Variants in ARL3 observed in about 807,000 individuals in gnomAD.
ARL3 encodes the protein ADP-ribosylation factor-like protein 3.
A neutral mutation model predicts 26.0 loss-of-function variants in ARL3; 9 were observed. That is an observed-to-expected ratio of 0.35 (90% CI 0.21 to 0.60). The LOEUF (loss-of-function observed/expected upper bound fraction) is 0.60. Ranked by LOEUF, ARL3 falls within the 20% of genes least tolerant of loss-of-function variation. The pLI is 0.78. For missense variants in ARL3, 158 were observed against 215.7 expected (o/e 0.73, Z 1.67); for synonymous variants, 71 against 78.4 (o/e 0.91, Z 0.50).
At chr10:102,685,688 C>A in intron 5 of ARL3, 128 bp downstream of exon 5, 1 of 1,074,178 alleles carries the variant, frequency 9.3e-7, no homozygotes, top group African/African-American at 1.6e-5. Flanking sequence ...AGAAAAGAAC[C>A]AAATTCCTCC....
intron 2 of ARL3, among the ~76,000 whole-genome samples, chr10:102,700,016 C>T (rs1455026610): frequency 1.3e-5 from 2 of 152,100 alleles, no homozygotes; most frequent in Non-Finnish European, 2.9e-5. Context: ...ACTGAGGATG[C>T]TATGGGGGAG....
At chr10:102,696,563 C>T (rs912620198) in intron 3 of ARL3, among the ~76,000 whole-genome samples, 1 of 152,204 alleles carries the variant, frequency 6.6e-6, no homozygotes, top group African/African-American at 2.4e-5. Context: ...CGCACCCGGC[C>T]AACAGTTTTT....
rs1348993634 is a variant in ARL3 at position 102,676,555 on chromosome 10, AG to A, written c.*338del. ...TTCTTTTTCTTTTTTTTTTTTTGAGAGGAAAAAAAAGCCCACTGGAATTGTC... is the reference window on the plus strand; with the variant it reads ...TTCTTTTTCTTTTTTTTTTTTTGAGAGAAAAAAAAGCCCACTGGAATTGTC... On this transcript the variant is annotated 3_prime_UTR_variant, in exon 6 of 6. Coordinates refer to ENST00000260746, the MANE Select transcript of ARL3 (RefSeq NM_004311.4). The A allele has an allele frequency of 1.2e-5, 2 of 161,230 alleles. No homozygotes were observed. The highest frequency in any genetic ancestry group is 4.9e-5 in the African/African-American group (2 of 40,686). 10.0% of individuals were successfully genotyped at this position (161,230 alleles called of 1,614,324 possible). A position where few individuals can be genotyped will look rare whatever the true frequency, so the allele number is the denominator to read the frequency against.
At chr10:102,696,548 G>C (rs1002674047) in intron 3 of ARL3, among the ~76,000 whole-genome samples, 2 of 152,210 alleles carry the variant, frequency 1.3e-5, no homozygotes, top group African/African-American at 4.8e-5. Context: ...ACAGGCGTGA[G>C]CCACCGCACC....
At chr10:102,709,759 G>A (rs901200835) in intron 1 of ARL3, among the ~76,000 whole-genome samples, 1 of 151,954 alleles carries the variant, frequency 6.6e-6, no homozygotes, top group Non-Finnish European at 1.5e-5. Context: ...AAGGCTGAGT[G>A]CAGTGGCTCA....
Position 102,676,216 on chromosome 10 carries a change from G to T in ARL3, c.*678C>A. On this transcript the variant is annotated 3_prime_UTR_variant, in exon 6 of 6. Coordinates refer to ENST00000260746, the MANE Select transcript of ARL3 (RefSeq NM_004311.4). The stretch of plus-strand genomic sequence containing the variant: ...GGCTGGCTGGGGCAGAGGCAGGGGT[G>T]GGTGGGATGGGGTATGTTTCTGTAG... The T allele has an allele frequency of 6.6e-6, 1 of 152,482 alleles. No individual in the cohort carries two copies. Among genetic ancestry groups the T allele is most frequent in the South Asian group, 1.8e-4 (1 of 5,502 alleles). 9.4% of individuals were successfully genotyped at this position (152,482 alleles called of 1,614,324 possible). A position where few individuals can be genotyped will look rare whatever the true frequency, so the allele number is the denominator to read the frequency against.
Position 102,705,360 on chromosome 10 carries a change from T to C in ARL3, c.133A>G (p.Ile45Val). ...KQLASEDISH[I>V]TPTQGFNIKS... ...GCAGTGCTCACCTGTGTAGGTGTGA[T>C]GTGGCTGATGTCTTCAGATGCAAGC... Residue 45 changes from isoleucine (I) to valine (V), a missense_variant, in exon 2 of 6, where the codon ATC becomes GTC. Ile to Val is a conservative substitution (Grantham distance 29, BLOSUM62 3). Transcript: ENST00000260746. 6.2e-7 allele frequency: 1 copy of C among 1,607,326 alleles called. No homozygotes were observed. The highest frequency in any genetic ancestry group is 1.3e-5 in the African/African-American group (1 of 74,964).
chr10:102,685,590 C>G (rs1268189597), intron 5 of ARL3, among the ~76,000 whole-genome samples: 3 of 152,222 alleles, frequency 2.0e-5, no homozygotes, highest in Non-Finnish European at 4.4e-5. Flanking sequence ...TCTCACATCC[C>G]TCCCAAAGGG....
intron 3 of ARL3, among the ~76,000 whole-genome samples, chr10:102,698,312 A>T (rs2064260495): frequency 6.6e-6 from 1 of 151,718 alleles, no homozygotes; most frequent in African/African-American, 2.4e-5. Flanking sequence ...GGCTCAAGCG[A>T]TCCTCCCACC....
intron 3 of ARL3, among the ~76,000 whole-genome samples, chr10:102,696,035 C>T (rs537721079): frequency 6.6e-6 from 1 of 152,008 alleles, no homozygotes; most frequent in Non-Finnish European, 1.5e-5. Flanking sequence ...GCAATCTTGG[C>T]TCACTGCAAG....
intron 5 of ARL3, among the ~76,000 whole-genome samples, chr10:102,680,884 G>A (rs1004983145): frequency 1.3e-5 from 2 of 152,082 alleles, no homozygotes; most frequent in South Asian, 2.1e-4. Flanking sequence ...AATATGGCTC[G>A]CTATTAGTAG....
intron 1 of ARL3, 141 bp downstream of exon 1, chr10:102,714,132 G>C (rs969647835): frequency 9.1e-7 from 1 of 1,103,022 alleles, no homozygotes; most frequent in Non-Finnish European, 1.2e-6. Flanking sequence ...GCCGACCCCC[G>C]AAATCAGTCC....
intron 1 of ARL3, among the ~76,000 whole-genome samples, chr10:102,709,900 G>A (rs2064329549): frequency 6.6e-6 from 1 of 151,982 alleles, no homozygotes; most frequent in South Asian, 2.1e-4. Flanking sequence ...CAGGCATGGT[G>A]GTGGGCACCT....
chr10:102,685,181 G>A lies in ARL3; in HGVS notation c.501+635C>T, dbSNP rs565525509. 1.1e-4 allele frequency among the ~76,000 whole-genome samples: 17 copies of A among 150,778 alleles called. No homozygotes were observed. The South Asian group carries it at 3.2e-3, about 28-fold the overall frequency. On this transcript the variant is annotated intron_variant, in intron 5 of 5. Transcript: ENST00000260746. ...GGAGAATCACTTGAACCTGGAAGGC[G>A]GAGGTTGCAGTGAGCCGAGATTGTG... is the stretch of plus-strand genomic sequence containing the variant.
chr10:102,693,908 C>T (rs973216104), intron 3 of ARL3, among the ~76,000 whole-genome samples: 2 of 152,108 alleles, frequency 1.3e-5, no homozygotes, highest in African/African-American at 4.8e-5. Context: ...CTTCTGGACT[C>T]GAAGCATCCT....
intron 3 of ARL3, among the ~76,000 whole-genome samples, chr10:102,697,957 G>C (rs2064257705): frequency 1.3e-5 from 2 of 152,148 alleles, no homozygotes; most frequent in Non-Finnish European, 2.9e-5. Flanking sequence ...ACTAGGAGGA[G>C]ATAAAGCAAA....
At chr10:102,697,633 T>C (rs2064256016) in intron 3 of ARL3, among the ~76,000 whole-genome samples, 1 of 152,128 alleles carries the variant, frequency 6.6e-6, no homozygotes, top group African/African-American at 2.4e-5. Flanking sequence ...TAAGTGGTCA[T>C]TAAATCCTTC....
At chr10:102,678,464 A>G (rs1453229806) in intron 5 of ARL3, among the ~76,000 whole-genome samples, 1 of 152,258 alleles carries the variant, frequency 6.6e-6, no homozygotes, top group Admixed American at 6.5e-5. Context: ...TACAAATAAA[A>G]GAGGGATGAA....
intron 5 of ARL3, among the ~76,000 whole-genome samples, chr10:102,678,460 T>C (rs1051707323): frequency 6.6e-6 from 1 of 151,762 alleles, no homozygotes; most frequent in African/African-American, 2.4e-5. Context: ...ATTTTACAAA[T>C]AAAAGAGGGA....
Sources: allele counts gnomAD v4.1 joint callset (sites outside exome capture counted in the v4.1 genomes callset), GRCh38; gene constraint gnomAD v4.1.1; transcripts MANE v1.5; gene names NCBI Gene and HGNC (gene_info 2026-07-23, HGNC 2026-07-21).